DIAPH3: variants seen among roughly 807,000 people sequenced by gnomAD.
DIAPH3 encodes the protein protein diaphanous homolog 3.
DIAPH3 carries 117 observed loss-of-function variants against 144.3 expected under a neutral mutation model. The observed-to-expected ratio is 0.81, with a 90% CI of 0.70 to 0.95. The LOEUF (loss-of-function observed/expected upper bound fraction) is 0.95, where lower values mean the gene tolerates loss of function less well. Ranked by LOEUF, DIAPH3 falls within the 40% of genes least tolerant of loss-of-function variation. DIAPH3 has a pLI of 0.00. For missense variants in DIAPH3, 1,421 were observed against 1,412.7 expected (o/e 1.01, Z -0.09); for synonymous variants, 519 against 488.9 (o/e 1.06, Z -0.81).
intron 3 of DIAPH3, among the ~76,000 whole-genome samples, chr13:60,094,816 A>G (rs1363941539): frequency 6.6e-6 from 1 of 152,212 alleles, no homozygotes; most frequent in Non-Finnish European, 1.5e-5. Flanking sequence ...CCTTGATAGA[A>G]ATATTTAAGA....
chr13:59,897,068 T>C (rs907523036), intron 20 of DIAPH3, among the ~76,000 whole-genome samples: 1 of 152,216 alleles, frequency 6.6e-6, no homozygotes, highest in South Asian at 2.1e-4. Flanking sequence ...AAAAAAATTA[T>C]ATGTGTTTTA....
chr13:59,731,589 T>C (rs1369414425), intron 27 of DIAPH3, among the ~76,000 whole-genome samples: 2 of 152,174 alleles, frequency 1.3e-5, no homozygotes, highest in Non-Finnish European at 2.9e-5. Flanking sequence ...AATTGTGCCT[T>C]CTCACCGTAA....
chr13:60,136,381 T>C lies in DIAPH3; in HGVS notation c.181-3392A>G, dbSNP rs540112357. Reference sequence around the variant, plus strand: ...GTGGACATCTACTCCAAAAAGGAAATAGAAACATAAAACCGACTATTAAAT... The same window carrying C: ...GTGGACATCTACTCCAAAAAGGAAACAGAAACATAAAACCGACTATTAAAT... On this transcript the variant is annotated intron_variant, in intron 1 of 27. Transcript: ENST00000400324. Among the ~76,000 whole-genome samples the C allele has an allele frequency of 6.7e-5, 8 of 120,064 alleles. No homozygotes were observed. In the South Asian group the frequency reaches 1.0e-3, roughly 15 times the overall value. 78.8% of individuals were successfully genotyped at this position (120,064 alleles called of 152,430 possible). A position where few individuals can be genotyped will look rare whatever the true frequency, so the allele number is the denominator to read the frequency against.
At chr13:60,025,096 G>A (rs190228650) in intron 5 of DIAPH3, among the ~76,000 whole-genome samples, 1 of 152,182 alleles carries the variant, frequency 6.6e-6, no homozygotes, top group Non-Finnish European at 1.5e-5. Context: ...GGTGGGGGAT[G>A]GGGCCACATA....
chr13:59,881,513 T>A (rs529352115), intron 20 of DIAPH3, among the ~76,000 whole-genome samples: 1 of 152,162 alleles, frequency 6.6e-6, no homozygotes, highest in African/African-American at 2.4e-5. Flanking sequence ...ACTACATTCA[T>A]GCACAGAAGA....
At chr13:59,870,535 G>T (rs1248165700) in intron 21 of DIAPH3, among the ~76,000 whole-genome samples, 2 of 151,884 alleles carry the variant, frequency 1.3e-5, no homozygotes, top group Admixed American at 1.3e-4. Context: ...TCTCACTGGG[G>T]CTCTATTGAA....
At chr13:59,754,589 A>G (rs4243016) in intron 27 of DIAPH3, among the ~76,000 whole-genome samples, 52,227 of 151,904 alleles carry the variant, frequency 0.34, 9,424 homozygotes, top group African/African-American at 0.44. Context: ...ACCCTTTCCA[A>G]TTACAAATAT....
At chr13:59,993,702 T>TTAAAAAAAAAAAA (rs577489826) in intron 9 of DIAPH3, among the ~76,000 whole-genome samples, 1 of 73,896 alleles carries the variant, frequency 1.4e-5, no homozygotes, top group Non-Finnish European at 2.5e-5. Context: ...GAAACATACT[T>TTAAAAAAAAAAAA]AAAAAAAAAA....
chr13:60,000,300 T>C (rs1378118341), intron 9 of DIAPH3, among the ~76,000 whole-genome samples: 8 of 152,110 alleles, frequency 5.3e-5, no homozygotes, highest in African/African-American at 1.7e-4. Flanking sequence ...TCACCATAGC[T>C]TAAGAAGCCT....
At chr13:60,014,946 A>G (rs1038092591) in intron 7 of DIAPH3, among the ~76,000 whole-genome samples, 1 of 150,326 alleles carries the variant, frequency 6.7e-6, no homozygotes, top group Non-Finnish European at 1.5e-5. Context: ...AAAGAGCTTA[A>G]GAATTCCTCT....
Position 59,895,833 on chromosome 13 carries a change from T to C in DIAPH3, c.2367+15902A>G, listed in dbSNP as rs145545643. On this transcript the variant is annotated intron_variant, in intron 20 of 27. Transcript: ENST00000400324. ...GAGCCAGACGAGGTAGTCGACATTC[T>C]AGAAGTGTACACATTCACTGGGCTC... Among the ~76,000 whole-genome samples the C allele has an allele frequency of 1.3e-3, 192 of 152,332 alleles. 1 individual carries two copies. The highest frequency in any genetic ancestry group is 3.4e-3 in the Middle Eastern group (1 of 294).
intron 4 of DIAPH3, among the ~76,000 whole-genome samples, chr13:60,051,533 T>C (rs1423050950): frequency 2.6e-5 from 4 of 152,058 alleles, no homozygotes; most frequent in Admixed American, 6.6e-5. Context: ...GGCAGGACAA[T>C]TGCTTGAACC....
chr13:60,133,332 G>T (rs2059190542), intron 1 of DIAPH3, among the ~76,000 whole-genome samples: 1 of 151,996 alleles, frequency 6.6e-6, no homozygotes, highest in South Asian at 2.1e-4. Flanking sequence ...GTCTGAGAAT[G>T]AGGGCACATA....
At chr13:60,126,979 AAAAC>A (rs994057216) in intron 2 of DIAPH3, among the ~76,000 whole-genome samples, 10 of 152,056 alleles carry the variant, frequency 6.6e-5, no homozygotes, top group Non-Finnish European at 7.4e-5. Flanking sequence ...AAAAAATAAT[AAAAC>A]AAAAGAAAGT....
chr13:59,884,968 C>T (rs994650299), intron 20 of DIAPH3, among the ~76,000 whole-genome samples: 6 of 152,030 alleles, frequency 3.9e-5, no homozygotes, highest in Non-Finnish European at 8.8e-5. Context: ...AAAGGTAAAG[C>T]CAAGGCTTGT....
chr13:60,047,376 A>G (rs1399041715), intron 4 of DIAPH3, among the ~76,000 whole-genome samples: 2 of 152,172 alleles, frequency 1.3e-5, no homozygotes, highest in African/African-American at 4.8e-5. Context: ...AATAAAGGAG[A>G]CCTAAAATAG....
intron 27 of DIAPH3, among the ~76,000 whole-genome samples, chr13:59,711,471 T>A (rs1401243123): frequency 6.6e-6 from 1 of 152,134 alleles, no homozygotes; most frequent in African/African-American, 2.4e-5. Flanking sequence ...GCTATTGCTC[T>A]TGCTACCATC....
chr13:59,833,117 G>A lies in DIAPH3; in HGVS notation c.3017C>T (p.Thr1006Ile). The change falls in exon 24 of 28, where the codon ACC (threonine) becomes ATC (isoleucine). Residue 1006 changes from threonine (T) to isoleucine (I), a missense_variant. Thr to Ile is a moderately conservative substitution (Grantham distance 89, BLOSUM62 -1). Transcript: ENST00000400324. ...ATTTTTTTACCATACCATGAATGTGGTTCTGAAGTTATTCAGGTCAGTAAG... is the reference window on the plus strand; with the variant it reads ...ATTTTTTTACCATACCATGAATGTGATTCTGAAGTTATTCAGGTCAGTAAG... ...DFLTDLNNFRTTFMQAIKENI... is the reference protein window; with the variant it reads ...DFLTDLNNFRITFMQAIKENI... 6.2e-7 allele frequency: 1 copy of A among 1,608,962 alleles called. No homozygotes were observed. The highest frequency in any genetic ancestry group is 1.3e-5 in the African/African-American group (1 of 74,820).
intron 13 of DIAPH3, among the ~76,000 whole-genome samples, chr13:59,982,597 T>C (rs994512239): frequency 4.0e-5 from 6 of 151,664 alleles, no homozygotes; most frequent in African/African-American, 1.2e-4. Flanking sequence ...TGTATTTTAA[T>C]AGCCTTTTCA....
Sources: allele counts gnomAD v4.1 joint callset (sites outside exome capture counted in the v4.1 genomes callset), GRCh38; gene constraint gnomAD v4.1.1; transcripts MANE v1.5; gene names NCBI Gene and HGNC (gene_info 2026-07-23, HGNC 2026-07-21).